Variants in CYTH3 observed in about 807,000 individuals in gnomAD.
CYTH3 encodes cytohesin-3.
In CYTH3, 23 loss-of-function variants were observed where a neutral mutation model predicts 55.1. The ratio of observed to expected loss-of-function variants is 0.42; its 90% CI spans 0.30 to 0.59. The LOEUF (loss-of-function observed/expected upper bound fraction) is 0.59. Among genes scored for constraint, CYTH3 ranks in the 20% least tolerant of loss-of-function variants. The probability of loss-of-function intolerance (pLI) is 0.20; values close to 1 mark genes in which losing one functional copy is unlikely to be tolerated. For synonymous variants in CYTH3, 249 were observed against 194.9 expected (o/e 1.28, Z -2.31); for missense variants, 413 against 524.8 (o/e 0.79, Z 2.08).
intron 1 of CYTH3, among the ~76,000 whole-genome samples, chr7:6,266,299 G>T (rs1258350058): frequency 2.6e-5 from 4 of 152,122 alleles, no homozygotes; most frequent in Non-Finnish European, 5.9e-5. Context: ...TGCTAGCTGT[G>T]AAATTTCAGA....
chr7:6,229,909 G>C (rs1246011248), intron 1 of CYTH3, among the ~76,000 whole-genome samples: 2 of 151,988 alleles, frequency 1.3e-5, no homozygotes, highest in East Asian at 1.9e-4. Context: ...GGTAAGGTGA[G>C]TGATAGCTTG....
chr7:6,219,677 T>G (rs1784504254), intron 1 of CYTH3, among the ~76,000 whole-genome samples: 1 of 144,128 alleles, frequency 6.9e-6, no homozygotes, highest in Non-Finnish European at 1.5e-5. Flanking sequence ...CCCTGTGAAA[T>G]CCCTGTGAAA....
At chr7:6,262,253 T>C (rs1226794236) in intron 1 of CYTH3, among the ~76,000 whole-genome samples, 1 of 152,026 alleles carries the variant, frequency 6.6e-6, no homozygotes, top group African/African-American at 2.4e-5. Flanking sequence ...TGGAAGGAGA[T>C]GAGACAGGAA....
intron 1 of CYTH3, among the ~76,000 whole-genome samples, chr7:6,252,510 T>C (rs893333183): frequency 1.3e-5 from 2 of 152,212 alleles, no homozygotes; most frequent in African/African-American, 4.8e-5. Flanking sequence ...CCTGTTGCTA[T>C]TTCTTGAATA....
rs1188917217 is a variant in CYTH3, at chr7:6,169,007, T to G, written c.823+1528A>C. On this transcript the variant is annotated intron_variant, in intron 9 of 12. Coordinates refer to ENST00000350796, the MANE Select transcript of CYTH3 (RefSeq NM_004227.4). This position sits in a 1 kb window ranked among gnomAD's most constrained non-coding sequence, Gnocchi z 4.1. ...CTCTAGAACACTCGCACAATGTGAT[T>G]TGAATCGGGTCTCTCAGGCACCCGA... 1.3e-5 allele frequency among the ~76,000 whole-genome samples: 2 copies of G among 152,204 alleles called. No homozygotes were observed. Among genetic ancestry groups the G allele is most frequent in the African/African-American group, 4.8e-5 (2 of 41,456 alleles).
chr7:6,250,254 G>T (rs937376354), intron 1 of CYTH3, among the ~76,000 whole-genome samples: 1 of 152,180 alleles, frequency 6.6e-6, no homozygotes, highest in Non-Finnish European at 1.5e-5. Flanking sequence ...TACTCCAGAT[G>T]CAACTGTTCA....
At chr7:6,270,767 C>T (rs911616497) in intron 1 of CYTH3, among the ~76,000 whole-genome samples, 1 of 152,184 alleles carries the variant, frequency 6.6e-6, no homozygotes, top group African/African-American at 2.4e-5. Flanking sequence ...AGAAGAGATA[C>T]TAACAACCCA....
At position 6,165,593 on chromosome 7, in the gene CYTH3, G is replaced by A. The variant is rs1189314004; in HGVS notation, c.924C>T (p.Ile308=). The change falls in exon 11 of 13, where the codon ATC becomes ATT. Residue 308 remains isoleucine (I), a synonymous_variant. Coordinates refer to ENST00000350796, the MANE Select transcript of CYTH3 (RefSeq NM_004227.4). ...CCCTGATGCTGAGGTTTTCCAACGG[G>A]ATGATTCCCCTGGGCTCCTTATCCT... is the stretch of plus-strand genomic sequence containing the variant. ...YTTDKEPRGI[I]PLENLSIREV... 1 of 1,614,138 alleles carries A rather than the reference G, an allele frequency of 6.2e-7. No homozygotes were observed. The highest frequency in any genetic ancestry group is 8.5e-7 in the Non-Finnish European group (1 of 1,179,994).
intron 1 of CYTH3, among the ~76,000 whole-genome samples, chr7:6,236,776 T>C (rs1779535223): frequency 6.6e-6 from 1 of 152,120 alleles, no homozygotes; most frequent in Non-Finnish European, 1.5e-5. Context: ...TTGGCTAGGC[T>C]GGTCTTGAAC....
At chr7:6,183,264 C>T (rs950811533) in intron 4 of CYTH3, among the ~76,000 whole-genome samples, 2 of 152,234 alleles carry the variant, frequency 1.3e-5, no homozygotes, top group African/African-American at 4.8e-5. Context: ...TTGCCGCCCC[C>T]GGCAGTTCTT....
At position 6,272,587 on chromosome 7, in the gene CYTH3, G is replaced by A. The variant is rs1297992482; in HGVS notation, c.-80C>T. 17 of 1,096,876 alleles carry A rather than the reference G, an allele frequency of 1.5e-5. No homozygotes were observed. The highest frequency in any genetic ancestry group is 1.7e-5 in the African/African-American group (1 of 59,282). 67.9% of individuals were successfully genotyped at this position (1,096,876 alleles called of 1,614,324 possible). On this transcript the variant is annotated 5_prime_UTR_variant, in exon 1 of 13. Transcript: ENST00000350796. ...GGCTGGGGACGCCGCCGGAGGGAGCGCGCAGGCGACCGGGCGGCTCCTCAG... is the reference window on the plus strand; with the variant it reads ...GGCTGGGGACGCCGCCGGAGGGAGCACGCAGGCGACCGGGCGGCTCCTCAG...
chr7:6,250,170 T>C (rs1779925969), intron 1 of CYTH3, among the ~76,000 whole-genome samples: 1 of 152,140 alleles, frequency 6.6e-6, no homozygotes, highest in African/African-American at 2.4e-5. Context: ...TATGGCTCCC[T>C]TGGGGAATTC....
intron 1 of CYTH3, among the ~76,000 whole-genome samples, chr7:6,247,745 A>T (rs1779858078): frequency 6.6e-6 from 1 of 152,114 alleles, no homozygotes; most frequent in South Asian, 2.1e-4. Flanking sequence ...TTCTGGGCTC[A>T]AGCGATCCTC....
chr7:6,176,219 A>G (rs1783345268), intron 5 of CYTH3, among the ~76,000 whole-genome samples: 1 of 142,846 alleles, frequency 7.0e-6, no homozygotes, highest in Non-Finnish European at 1.5e-5. Flanking sequence ...TATCTGTTTC[A>G]GTTTACTCAT....
intron 1 of CYTH3, among the ~76,000 whole-genome samples, chr7:6,213,697 C>T (rs186227188): frequency 6.6e-6 from 1 of 151,940 alleles, no homozygotes; most frequent in Admixed American, 6.6e-5. Flanking sequence ...GTGCTCTCTT[C>T]GGGTGTCTGA....
chr7:6,177,751 G>T, intron 5 of CYTH3, 72 bp downstream of exon 5: 1 of 1,195,934 alleles, frequency 8.4e-7, no homozygotes, highest in Non-Finnish European at 1.2e-6. Flanking sequence ...CCCCGAAAGT[G>T]GAGCGTGAGC....
chr7:6,200,872 C>G (rs1446974261), intron 1 of CYTH3, among the ~76,000 whole-genome samples: 1 of 152,228 alleles, frequency 6.6e-6, no homozygotes, highest in Non-Finnish European at 1.5e-5. Flanking sequence ...CCTCCCGCCT[C>G]AGCCTCCTGA....
intron 1 of CYTH3, among the ~76,000 whole-genome samples, chr7:6,221,101 C>G (rs1366135520): frequency 6.6e-6 from 1 of 152,046 alleles, no homozygotes; most frequent in Non-Finnish European, 1.5e-5. Context: ...AAAACCTGAA[C>G]ATGAATGTTC....
intron 1 of CYTH3, among the ~76,000 whole-genome samples, chr7:6,214,608 G>T (rs975853238): frequency 6.6e-6 from 1 of 152,096 alleles, no homozygotes; most frequent in Non-Finnish European, 1.5e-5. Flanking sequence ...CATTCCACCT[G>T]GCCTAGGAAT....
Sources: gnomAD v4.1 joint callset for allele counts (sites outside exome capture counted in the v4.1 genomes callset) on GRCh38, gnomAD v4.1.1 for gene constraint, Gnocchi (gnomAD v3.1) non-coding constraint, MANE v1.5 for transcripts, NCBI Gene and HGNC (gene_info 2026-07-23, HGNC 2026-07-21) for gene names.